Variants in AMZ1 observed in about 807,000 individuals in gnomAD.
AMZ1 encodes the protein archaelysin family metallopeptidase 1, also known as archaemetzincin-1.
In AMZ1, 39 loss-of-function variants were observed where a neutral mutation model predicts 29.9. That is an observed-to-expected ratio of 1.30 (90% CI 1.01 to 1.70). The LOEUF is 1.70. Ranked by LOEUF, AMZ1 falls within the 40% of genes most tolerant of loss-of-function variation. AMZ1 has a pLI of 0.00. For synonymous variants in AMZ1, 458 were observed against 304.0 expected, an observed-to-expected ratio of 1.51 and a Z score of -5.27; for missense variants, 1,041 against 680.6, an observed-to-expected ratio of 1.53 and a Z score of -5.89.
chr7:2,703,023 T>C lies in AMZ1; in HGVS notation c.472+134T>C, dbSNP rs1474244981. ...TGGGAAACATCCATTTCCCAGGTGT[T>C]TGGGAAGCAGGACCAAGCCGGAGAG... is the stretch of plus-strand genomic sequence containing the variant. On this transcript the variant is annotated intron_variant, in intron 3 of 6. Coordinates refer to ENST00000683327, the MANE Select transcript of AMZ1 (RefSeq NM_001384743.1). 4 of 1,298,154 alleles carry C rather than the reference T, an allele frequency of 3.1e-6. No homozygotes were observed. The South Asian group carries it at 4.5e-5, about 14-fold the overall frequency. The allele number at this position is 1,298,154 out of a possible 1,614,324, so 80.4% of individuals were successfully genotyped here.
chr7:2,710,647 C>G (rs1391712305), intron 6 of AMZ1, among the ~76,000 whole-genome samples: 1 of 152,246 alleles, frequency 6.6e-6, no homozygotes, highest in Non-Finnish European at 1.5e-5. Flanking sequence ...CGTGGCATTT[C>G]TAGCTCACAG....
Position 2,718,869 on chromosome 7 carries a change from C to T in AMZ1, c.*5991C>T, listed in dbSNP as rs777064363. On this transcript the variant is annotated 3_prime_UTR_variant, in exon 7 of 7. Transcript: ENST00000683327. Reference sequence around the variant, plus strand: ...GGGGAGTCACAGAAACCACGGGAAACGGAGTGGGTTGGAAGAGGCAGAGAA... The same window carrying T: ...GGGGAGTCACAGAAACCACGGGAAATGGAGTGGGTTGGAAGAGGCAGAGAA... Among the ~76,000 whole-genome samples, 9 of 152,118 alleles carry T rather than the reference C, an allele frequency of 5.9e-5. No homozygotes were observed. Among genetic ancestry groups the T allele is most frequent in the Non-Finnish European group, 8.8e-5 (6 of 68,014 alleles).
chr7:2,762,737 T>C, upstream of AMZ1: 1 of 1,555,360 alleles, frequency 6.4e-7, no homozygotes, highest in Non-Finnish European at 8.7e-7. Flanking sequence ...ATGTCCTCCC[T>C]CCCGCAGGAA....
At chr7:2,703,380 A>G (rs922494364) in intron 3 of AMZ1, among the ~76,000 whole-genome samples, 2 of 152,100 alleles carry the variant, frequency 1.3e-5, no homozygotes, top group African/African-American at 4.8e-5. Context: ...ACCTCAAGTG[A>G]TCTGCCTGCC....
intron 4 of AMZ1, among the ~76,000 whole-genome samples, chr7:2,745,515 G>A (rs1790723211): frequency 6.6e-6 from 1 of 152,184 alleles, no homozygotes; most frequent in South Asian, 2.1e-4. Context: ...AACTCCTGAA[G>A]GAAGTGCTAA....
Position 2,712,957 on chromosome 7 carries a change from T to C in AMZ1, c.*79T>C, listed in dbSNP as rs1002531093. ...CCAGTAGCTGAGGCCACTACTGACC[T>C]GCCAGGGATAAAGAGGAAGGGTCTG... On this transcript the variant is annotated 3_prime_UTR_variant, in exon 7 of 7. Coordinates refer to ENST00000683327, the MANE Select transcript of AMZ1 (RefSeq NM_001384743.1). The C allele has an allele frequency of 9.3e-6, 13 of 1,393,152 alleles. No individual in the cohort carries two copies. In the Admixed American group the frequency reaches 3.8e-4, roughly 41 times the overall value. The allele number at this position is 1,393,152 out of a possible 1,614,324, so 86.3% of individuals were successfully genotyped here.
rs1317020597 is a variant in AMZ1, at chr7:2,737,269, G to GTTTTTTT, written n.551-27439_551-27438insTTTTTTT. ...CATTCAGGAGCTATCTCACAGTTTT[G>GTTTTTTT]TTTTGTTTTTTTTTTTTTTGTTTTT... On this transcript the variant is annotated intron_variant and non_coding_transcript_variant, in intron 4 of 4. Transcript: ENST00000489665. 5.8e-3 allele frequency among the ~76,000 whole-genome samples: 221 copies of GTTTTTTT among 38,100 alleles called. 27 individuals are homozygous for GTTTTTTT. The highest frequency in any genetic ancestry group is 0.013 in the Middle Eastern group (1 of 80). The allele number at this position is 38,100 out of a possible 152,430, so 25.0% of individuals were successfully genotyped here. A position where few individuals can be genotyped will look rare whatever the true frequency, so the allele number is the denominator to read the frequency against.
chr7:2,689,794 C>T (rs73045086), intron 1 of AMZ1, among the ~76,000 whole-genome samples: 7,339 of 152,292 alleles, frequency 0.048, 266 homozygotes, highest in Non-Finnish European at 0.066. Context: ...AGCGAGAAAC[C>T]TCCATCTGGG....
At chr7:2,711,087 G>C (rs1788744662) in intron 6 of AMZ1, among the ~76,000 whole-genome samples, 4 of 152,230 alleles carry the variant, frequency 2.6e-5, no homozygotes, top group Admixed American at 2.6e-4. Context: ...ACCTGGATCT[G>C]AGCTGGAGGG....
chr7:2,743,337 T>TA (rs1790602549), intron 4 of AMZ1, among the ~76,000 whole-genome samples: 1 of 152,166 alleles, frequency 6.6e-6, no homozygotes. Context: ...ATTTAAGTCT[T>TA]AAAACGACAT....
intron 6 of AMZ1, among the ~76,000 whole-genome samples, chr7:2,710,681 C>T (rs1305759650): frequency 1.3e-5 from 2 of 152,210 alleles, no homozygotes; most frequent in African/African-American, 2.4e-5. Context: ...CTGCAGGGAT[C>T]CTCTCTGAAG....
chr7:2,682,609 C>A (rs1786923197), intron 1 of AMZ1, among the ~76,000 whole-genome samples: 2 of 152,144 alleles, frequency 1.3e-5, no homozygotes, highest in South Asian at 4.1e-4. Context: ...GATTCAGACC[C>A]CTTTGCCTCC....
intron 4 of AMZ1, chr7:2,730,010 G>C (rs1035002393): frequency 6.6e-6 from 1 of 152,312 alleles, no homozygotes; most frequent in African/African-American, 2.4e-5. Flanking sequence ...GAGGGGCCTC[G>C]ATGAGAATCA....
At position 2,716,106 on chromosome 7, in the gene AMZ1, T is replaced by C. The variant is rs1789107842; in HGVS notation, c.*3228T>C. 6.6e-6 allele frequency: 1 copy of C among 152,216 alleles called. No individual in the cohort carries two copies. The highest frequency in any genetic ancestry group is 6.5e-5 in the Admixed American group (1 of 15,284). 9.4% of individuals were successfully genotyped at this position (152,216 alleles called of 1,614,324 possible). On this transcript the variant is annotated 3_prime_UTR_variant, in exon 7 of 7. Transcript: ENST00000683327. Reference sequence around the variant, plus strand: ...AATAGTTTCAGGTCATGACAGATGTTATCTGTATTGCTGTGTGTGCGATGA... The same window carrying C: ...AATAGTTTCAGGTCATGACAGATGTCATCTGTATTGCTGTGTGTGCGATGA...
chr7:2,763,913 A>T (rs999876940), upstream of AMZ1, among the ~76,000 whole-genome samples: 5 of 152,150 alleles, frequency 3.3e-5, no homozygotes, highest in African/African-American at 1.2e-4. Context: ...GTTGCTTTAG[A>T]GTCTTGGTTA....
chr7:2,735,949 C>G (rs1055566373), intron 4 of AMZ1, among the ~76,000 whole-genome samples: 2 of 152,198 alleles, frequency 1.3e-5, no homozygotes. Context: ...CTGTCACTCA[C>G]ATCCGCACTC....
intron 1 of AMZ1, among the ~76,000 whole-genome samples, chr7:2,697,994 T>G (rs1787840355): frequency 6.6e-6 from 1 of 152,204 alleles, no homozygotes; most frequent in African/African-American, 2.4e-5. Flanking sequence ...TGTCACATTT[T>G]CCCCAAAAGA....
chr7:2,739,958 T>C (rs941261037), intron 4 of AMZ1, among the ~76,000 whole-genome samples: 1 of 152,098 alleles, frequency 6.6e-6, no homozygotes, highest in African/African-American at 2.4e-5. Context: ...CAGGTGTGAG[T>C]CACTGTGCCC....
chr7:2,762,760 C>A, upstream of AMZ1: 1 of 1,550,028 alleles, frequency 6.5e-7, no homozygotes, highest in Non-Finnish European at 8.7e-7. Flanking sequence ...GCACCAGGCC[C>A]GTCCTTTCCA....
Sources: allele counts gnomAD v4.1 joint callset (sites outside exome capture counted in the v4.1 genomes callset), GRCh38; gene constraint gnomAD v4.1.1; transcripts MANE v1.5; gene names NCBI Gene and HGNC (gene_info 2026-07-23, HGNC 2026-07-21).